GPC6: variants seen among roughly 807,000 people sequenced by gnomAD.
GPC6 encodes the protein glypican-6.
GPC6 carries 14 observed loss-of-function variants against 55.2 expected under a neutral mutation model. That is an observed-to-expected ratio of 0.25 (90% CI 0.17 to 0.40). GPC6 has a LOEUF of 0.40. Among genes scored for constraint, GPC6 ranks in the 10% least tolerant of loss-of-function variants. GPC6 has a pLI of 1.00. For synonymous variants in GPC6, 278 were observed against 259.6 expected (o/e 1.07, Z -0.68); for missense variants, 641 against 708.5 (o/e 0.90, Z 1.08).
intron 6 of GPC6, among the ~76,000 whole-genome samples, chr13:94,340,503 G>T (rs140532882): frequency 7.2e-5 from 11 of 152,294 alleles, no homozygotes; most frequent in African/African-American, 2.6e-4. Flanking sequence ...GCCTTGGGGA[G>T]ATCCTTCTTC....
chr13:93,828,349 T>C (rs1423357302), intron 2 of GPC6, among the ~76,000 whole-genome samples: 2 of 152,142 alleles, frequency 1.3e-5, no homozygotes, highest in African/African-American at 4.8e-5. Flanking sequence ...GTTTAACTTA[T>C]GATATTCTCA....
intron 3 of GPC6, among the ~76,000 whole-genome samples, chr13:93,899,700 T>G (rs1403866132): frequency 1.3e-5 from 2 of 152,104 alleles, no homozygotes; most frequent in Non-Finnish European, 2.9e-5. Flanking sequence ...AGCTATACCA[T>G]AATAAAAAGG....
the GPC6 span, among the ~76,000 whole-genome samples, chr13:93,219,853 CTAAT>C: frequency 5.3e-5 from 5 of 94,960 alleles, no homozygotes; most frequent in Non-Finnish European, 6.5e-5. Context: ...ATTTGTTTAT[CTAAT>C]TAATTTTTTG....
chr13:94,354,271 A>C (rs1878686573), intron 6 of GPC6, among the ~76,000 whole-genome samples: 1 of 152,116 alleles, frequency 6.6e-6, no homozygotes, highest in African/African-American at 2.4e-5. Context: ...TCTCTCCATA[A>C]TCCAGCAGTC....
intron 4 of GPC6, among the ~76,000 whole-genome samples, chr13:94,135,215 G>A (rs895092131): frequency 2.0e-5 from 3 of 147,696 alleles, no homozygotes; most frequent in Admixed American, 6.8e-5. Context: ...TACCGGAGCT[G>A]TATTACAGAT....
At chr13:94,288,938 G>GTTATATATATAATAAAT (rs1566638399) in intron 5 of GPC6, among the ~76,000 whole-genome samples, 1 of 18,754 alleles carries the variant, frequency 5.3e-5, no homozygotes, top group African/African-American at 1.4e-4. Flanking sequence ...AATATAGATA[G>GTTATATATATAATAAAT]ATAGATAGAT....
intron 2 of GPC6, among the ~76,000 whole-genome samples, chr13:93,700,077 G>C (rs1882613168): frequency 6.6e-6 from 1 of 152,020 alleles, no homozygotes; most frequent in African/African-American, 2.4e-5. Flanking sequence ...GGTGTATAAA[G>C]ATTACAATGC....
chr13:94,262,598 G>A (rs1346215201), intron 4 of GPC6, among the ~76,000 whole-genome samples: 3 of 151,570 alleles, frequency 2.0e-5, no homozygotes, highest in African/African-American at 7.3e-5. Context: ...ACTTGTACCC[G>A]GGAAGCAAAG....
chr13:93,914,662 T>C (rs1877197253), intron 3 of GPC6, among the ~76,000 whole-genome samples: 1 of 152,198 alleles, frequency 6.6e-6, no homozygotes. Flanking sequence ...GGAGCAGGCC[T>C]TTCCTTTGTT....
chr13:93,430,864 G>A (rs371101205), intron 1 of GPC6, among the ~76,000 whole-genome samples: 12 of 152,150 alleles, frequency 7.9e-5, no homozygotes, highest in South Asian at 4.2e-4. Flanking sequence ...AAATGATATT[G>A]ACAGGAAGCA....
intron 4 of GPC6, among the ~76,000 whole-genome samples, chr13:94,152,485 T>A (rs1469752000): frequency 6.6e-6 from 1 of 152,180 alleles, no homozygotes; most frequent in Non-Finnish European, 1.5e-5. Flanking sequence ...ATTAGAACTG[T>A]ATTTTTTATG....
chr13:94,002,218 C>A (rs1173417221), intron 3 of GPC6, among the ~76,000 whole-genome samples: 2 of 151,844 alleles, frequency 1.3e-5, no homozygotes, highest in Non-Finnish European at 2.9e-5. Flanking sequence ...GAAGTCAGAG[C>A]CTATAGTTAG....
intron 2 of GPC6, among the ~76,000 whole-genome samples, chr13:93,581,622 G>T (rs1320611906): frequency 2.6e-5 from 4 of 152,136 alleles, no homozygotes; most frequent in Admixed American, 6.5e-5. Flanking sequence ...TGGGAGAATC[G>T]CTTGAGCTAG....
chr13:94,064,138 G>A (rs897503826), intron 4 of GPC6, among the ~76,000 whole-genome samples: 5 of 152,172 alleles, frequency 3.3e-5, no homozygotes, highest in Non-Finnish European at 7.3e-5. Flanking sequence ...GCATAACTGA[G>A]CTTCTCTGGG....
chr13:94,118,372 C>A (rs1275844535), intron 4 of GPC6, among the ~76,000 whole-genome samples: 1 of 152,018 alleles, frequency 6.6e-6, no homozygotes, highest in African/African-American at 2.4e-5. Context: ...TTTAAGTTTC[C>A]TGAGGTCTCC....
At chr13:93,394,966 C>A (rs980328424) in intron 1 of GPC6, 2 of 221,802 alleles carry the variant, frequency 9.0e-6, no homozygotes, top group South Asian at 1.6e-4. Flanking sequence ...TTCCACAGTA[C>A]AGAAACAGAA....
intron 6 of GPC6, among the ~76,000 whole-genome samples, chr13:94,376,755 C>A (rs1879879574): frequency 6.6e-6 from 1 of 152,056 alleles, no homozygotes; most frequent in Non-Finnish European, 1.5e-5. Flanking sequence ...AATCCTAAGC[C>A]AAAAGAACAA....
chr13:93,864,344 T>C (rs1032647457), intron 3 of GPC6, among the ~76,000 whole-genome samples: 1 of 151,734 alleles, frequency 6.6e-6, no homozygotes, highest in Non-Finnish European at 1.5e-5. Flanking sequence ...TGCTGTTGCA[T>C]TAAATGATTG....
intron 4 of GPC6, among the ~76,000 whole-genome samples, chr13:94,266,379 A>C (rs546812971): frequency 1.1e-4 from 17 of 152,128 alleles, no homozygotes; most frequent in Non-Finnish European, 2.2e-4. Flanking sequence ...TGTGTTAGCC[A>C]GGATGGTCTC....
Sources: gnomAD v4.1 joint callset for allele counts (sites outside exome capture counted in the v4.1 genomes callset) on GRCh38, gnomAD v4.1.1 for gene constraint, MANE v1.5 for transcripts, NCBI Gene and HGNC (gene_info 2026-07-23, HGNC 2026-07-21) for gene names.